ZNF599: variants seen among roughly 807,000 people sequenced by gnomAD.
The protein encoded by ZNF599 is zinc finger protein 599.
Under a neutral mutation model 11.7 loss-of-function variants are expected in ZNF599, and 10 were observed. The ratio of observed to expected loss-of-function variants is 0.86; its 90% confidence interval spans 0.53 to 1.45. The LOEUF is 1.45. Ranked by LOEUF, ZNF599 falls within the 40% of genes most tolerant of loss-of-function variation. The pLI, the probability that ZNF599 is intolerant of heterozygous loss-of-function variation, is 0.00. For missense variants in ZNF599, 688 were observed against 713.6 expected, an observed-to-expected ratio of 0.96 and a Z score of 0.41; for synonymous variants, 232 against 253.2, an observed-to-expected ratio of 0.92 and a Z score of 0.79.
the ZNF599 span, among the ~76,000 whole-genome samples, chr19:34,785,485 C>T: frequency 6.6e-6 from 1 of 152,172 alleles, no homozygotes; most frequent in East Asian, 1.9e-4. Flanking sequence ...AGACCCACTC[C>T]TCACTCAGGC....
chr19:34,797,300 A>G, the ZNF599 span, among the ~76,000 whole-genome samples: 1 of 152,332 alleles, frequency 6.6e-6, no homozygotes, highest in East Asian at 1.9e-4. Context: ...TTACAGCAAC[A>G]TGATTTATAA....
chr19:34,792,166 C>T, the ZNF599 span, among the ~76,000 whole-genome samples: 1 of 152,212 alleles, frequency 6.6e-6, no homozygotes, highest in African/African-American at 2.4e-5. Flanking sequence ...GAATCCAACA[C>T]TGTTCATGGG....
At chr19:34,786,891 G>T in the ZNF599 span, among the ~76,000 whole-genome samples, 5 of 152,138 alleles carry the variant, frequency 3.3e-5, no homozygotes, top group African/African-American at 1.2e-4. Context: ...GAAAAATGAA[G>T]AAAATACCAT....
At chr19:34,775,038 A>G (rs576164856), upstream of ZNF599, among the ~76,000 whole-genome samples, 8 of 152,276 alleles carry the variant, frequency 5.3e-5, no homozygotes, top group Middle Eastern at 3.4e-3. Flanking sequence ...ACCATGTGCT[A>G]CACTGGCTCC....
rs145969671 is a variant in ZNF599, at chr19:34,759,874, T to G, written c.927A>C (p.Lys309Asn). The change falls in exon 4 of 4, where the codon AAA becomes AAC. Residue 309 changes from lysine (K) to asparagine (N), a missense_variant. By Grantham distance (94) the Lys-to-Asn change is moderately conservative (BLOSUM62 0). Coordinates refer to ENST00000329285, the MANE Select transcript of ZNF599 (RefSeq NM_001007248.3). ...TCCCACATTCTTTGCATAAAAAGGG[T>G]TTTTCTCGAGTGTGAGTCATATTAT... Reference protein sequence around the residue: ...IQHNMTHTREKPFLCKECGKA... With the variant: ...IQHNMTHTRENPFLCKECGKA... 6.2e-7 allele frequency: 1 copy of G among 1,613,416 alleles called. No individual in the cohort carries two copies. The highest frequency in any genetic ancestry group is 1.7e-4 in the Middle Eastern group (1 of 6,060).
the ZNF599 span, among the ~76,000 whole-genome samples, chr19:34,803,928 C>A: frequency 6.6e-6 from 1 of 152,170 alleles, no homozygotes; most frequent in Non-Finnish European, 1.5e-5. Context: ...CTTCCTATCC[C>A]AAACTATAGA....
chr19:34,805,197 C>CTTTTTT, the ZNF599 span, among the ~76,000 whole-genome samples: 2 of 125,904 alleles, frequency 1.6e-5, no homozygotes, highest in Non-Finnish European at 3.3e-5. Flanking sequence ...TAAGTGCTAC[C>CTTTTTT]TTTTTTTTTT....
At chr19:34,780,544 GA>G in the ZNF599 span, among the ~76,000 whole-genome samples, 1 of 150,354 alleles carries the variant, frequency 6.7e-6, no homozygotes, top group Non-Finnish European at 1.5e-5. Flanking sequence ...AGGAAAAAAG[GA>G]AGGAAGGAGA....
the ZNF599 span, among the ~76,000 whole-genome samples, chr19:34,801,170 T>C: frequency 6.6e-6 from 1 of 152,336 alleles, no homozygotes; most frequent in Non-Finnish European, 1.5e-5. Flanking sequence ...CTCTGGTCCA[T>C]GGTTTATGTG....
At chr19:34,802,559 G>C in the ZNF599 span, among the ~76,000 whole-genome samples, 1 of 152,194 alleles carries the variant, frequency 6.6e-6, no homozygotes, top group Non-Finnish European at 1.5e-5. Context: ...TAGTGGACAG[G>C]AGTAGGTAAG....
intron 3 of ZNF599, chr19:34,763,244 T>C (rs1387743312): frequency 1.3e-5 from 2 of 152,204 alleles, no homozygotes; most frequent in African/African-American, 4.8e-5. Flanking sequence ...ATAAATATAT[T>C]AATAAAATGC....
At chr19:34,786,459 A>AT in the ZNF599 span, among the ~76,000 whole-genome samples, 15,381 of 151,950 alleles carry the variant, frequency 0.1, 1,088 homozygotes, top group African/African-American at 0.2. Flanking sequence ...AAGCGTCATG[A>AT]TTTTTTTAAC....
intron 2 of ZNF599, 24 bp downstream of exon 2, chr19:34,769,405 C>T: frequency 6.2e-7 from 1 of 1,614,040 alleles, no homozygotes; most frequent in Admixed American, 1.7e-5. Flanking sequence ...GGGTCCCCTA[C>T]ATGGGAGGGT....
Position 34,760,315 on chromosome 19 carries a change from A to T in ZNF599, c.486T>A (p.Ser162Arg). Residue 162 changes from serine (S) to arginine (R), a missense_variant, in exon 4 of 4, where the codon AGT becomes AGA. By Grantham distance (110) the Ser-to-Arg change is moderately radical (BLOSUM62 -1). Transcript: ENST00000329285. ...GTTCCTGTAAAACCCTTAAGCCCAGACTATCATCTGGCTCCAAATCATCAT... is the reference window on the plus strand; with the variant it reads ...GTTCCTGTAAAACCCTTAAGCCCAGTCTATCATCTGGCTCCAAATCATCAT... ...YKHDDLEPDD[S>R]LGLRVLQERV... is the part of the protein sequence containing the mutation. The T allele has an allele frequency of 6.2e-7, 1 of 1,614,200 alleles. No homozygotes were observed. Among genetic ancestry groups the T allele is most frequent in the South Asian group, 1.1e-5 (1 of 91,080 alleles).
chr19:34,793,092 G>A, the ZNF599 span, among the ~76,000 whole-genome samples: 6 of 152,108 alleles, frequency 3.9e-5, no homozygotes, highest in Non-Finnish European at 7.4e-5. Context: ...CTGATAGCTC[G>A]ATCTAGTGGA....
At chr19:34,777,987 G>C (rs185836323), upstream of ZNF599, among the ~76,000 whole-genome samples, 257 of 152,198 alleles carry the variant, frequency 1.7e-3, no homozygotes, top group African/African-American at 5.8e-3. Context: ...ACAGTAAAAG[G>C]GGGGGAGGGG....
chr19:34,767,236 C>T (rs2069149933), intron 3 of ZNF599, 80 bp downstream of exon 3: 4 of 1,118,342 alleles, frequency 3.6e-6, no homozygotes, highest in South Asian at 1.3e-5. Flanking sequence ...AAATAGCTGC[C>T]CATGGCATTT....
At chr19:34,797,032 C>G in the ZNF599 span, among the ~76,000 whole-genome samples, 1,489 of 149,684 alleles carry the variant, frequency 9.9e-3, 21 homozygotes, top group Non-Finnish European at 0.015. Flanking sequence ...TCTCATTGTT[C>G]AATTCCCACC....
At chr19:34,807,414 C>A in the ZNF599 span, among the ~76,000 whole-genome samples, 1 of 152,232 alleles carries the variant, frequency 6.6e-6, no homozygotes, top group Non-Finnish European at 1.5e-5. Flanking sequence ...CAGCCCAGCA[C>A]TGACACGAGA....
Sources: allele counts gnomAD v4.1 joint callset (sites outside exome capture counted in the v4.1 genomes callset), GRCh38; gene constraint gnomAD v4.1.1; transcripts MANE v1.5; gene names NCBI Gene and HGNC (gene_info 2026-07-23, HGNC 2026-07-21).